Variants in BCL2L1 observed in about 807,000 individuals in gnomAD.
BCL2L1 encodes bcl-2-like protein 1.
Under a neutral mutation model 18.7 loss-of-function variants are expected in BCL2L1, and 1 was observed. The observed-to-expected ratio is 0.05, with a 90% CI of 0.02 to 0.25. BCL2L1 has a LOEUF of 0.25. BCL2L1 is among the 10% of genes least tolerant of loss of function. The pLI is 1.00. For synonymous variants in BCL2L1, 103 were observed against 122.7 expected (o/e 0.84, Z 1.06); for missense variants, 207 against 304.9 (o/e 0.68, Z 2.39).
At chr20:31,687,433 AAGGAGGATAACGC>A (rs2060977560) in intron 2 of BCL2L1, among the ~76,000 whole-genome samples, 1 of 151,654 alleles carries the variant, frequency 6.6e-6, no homozygotes, top group African/African-American at 2.4e-5. Flanking sequence ...CTCCCAAAGG[AAGGAGGATAACGC>A]AGGAGGATAA....
chr20:31,672,311 A>G (rs1188761646), intron 2 of BCL2L1, among the ~76,000 whole-genome samples: 1 of 152,016 alleles, frequency 6.6e-6, no homozygotes, highest in African/African-American at 2.4e-5. Context: ...CCAAAAATAC[A>G]AAATTAGCTG....
intron 2 of BCL2L1, among the ~76,000 whole-genome samples, chr20:31,711,619 A>T (rs890515371): frequency 1.3e-5 from 2 of 152,210 alleles, no homozygotes; most frequent in Admixed American, 6.5e-5. Flanking sequence ...AAAAGAAATG[A>T]AACTCCAAGG....
At chr20:31,677,591 A>C (rs1017017085) in intron 2 of BCL2L1, among the ~76,000 whole-genome samples, 2 of 152,190 alleles carry the variant, frequency 1.3e-5, no homozygotes, top group Non-Finnish European at 2.9e-5. Flanking sequence ...TGTCTGGTTT[A>C]TTGTTCTTAC....
intron 2 of BCL2L1, among the ~76,000 whole-genome samples, chr20:31,696,060 G>A (rs1333750603): frequency 6.6e-6 from 1 of 152,122 alleles, no homozygotes; most frequent in East Asian, 1.9e-4. Context: ...AATTAAAGGC[G>A]AGAGCCACCA....
chr20:31,669,638 C>T (rs756026146), intron 2 of BCL2L1, among the ~76,000 whole-genome samples: 1 of 151,770 alleles, frequency 6.6e-6, no homozygotes, highest in African/African-American at 2.4e-5. Context: ...TGGGGTTTCA[C>T]CATGTTAACC....
Position 31,668,670 on chromosome 20 carries a change from T to C in BCL2L1, c.565-2584A>G, listed in dbSNP as rs568560614. 4.0e-5 allele frequency among the ~76,000 whole-genome samples: 6 copies of C among 148,572 alleles called. No homozygotes were observed. In the South Asian group the frequency reaches 1.3e-3, roughly 32 times the overall value. On this transcript the variant is annotated intron_variant, in intron 2 of 2. Coordinates refer to ENST00000307677, the MANE Select transcript of BCL2L1 (RefSeq NM_138578.3). ...CCCAGGCTGGAGTACAATGGCGCGA[T>C]CTCAGCTCACTGCAACCTCCGCCTC...
At chr20:31,692,026 C>G (rs2061083718) in intron 2 of BCL2L1, among the ~76,000 whole-genome samples, 1 of 152,224 alleles carries the variant, frequency 6.6e-6, no homozygotes. Flanking sequence ...TGTGTAAACC[C>G]TACAACAATG....
chr20:31,709,635 C>T (rs2061421620), intron 2 of BCL2L1, among the ~76,000 whole-genome samples: 1 of 151,784 alleles, frequency 6.6e-6, no homozygotes, highest in Admixed American at 6.6e-5. Context: ...AGATCGAGAC[C>T]ATCCTGGCTA....
At chr20:31,681,006 G>C (rs2060850302) in intron 2 of BCL2L1, among the ~76,000 whole-genome samples, 1 of 152,234 alleles carries the variant, frequency 6.6e-6, no homozygotes, top group Non-Finnish European at 1.5e-5. Context: ...CAAAGGCCCA[G>C]AGGCAGGAAC....
At chr20:31,713,813 C>G (rs949788956) in intron 2 of BCL2L1, among the ~76,000 whole-genome samples, 1 of 152,222 alleles carries the variant, frequency 6.6e-6, no homozygotes, top group Admixed American at 6.5e-5. Context: ...AGTTAAAAGA[C>G]TTGCCCAAGG....
At chr20:31,700,929 C>A (rs988351758) in intron 2 of BCL2L1, among the ~76,000 whole-genome samples, 17 of 152,242 alleles carry the variant, frequency 1.1e-4, no homozygotes, top group African/African-American at 4.1e-4. Flanking sequence ...CTGGACCAGC[C>A]CCTTTGGCAA....
At chr20:31,704,447 G>C (rs897722508) in intron 2 of BCL2L1, among the ~76,000 whole-genome samples, 1 of 152,200 alleles carries the variant, frequency 6.6e-6, no homozygotes, top group African/African-American at 2.4e-5. Flanking sequence ...TTGGGCAAGA[G>C]TGATTTTCTA....
At chr20:31,695,561 G>A (rs1290991585) in intron 2 of BCL2L1, among the ~76,000 whole-genome samples, 2 of 152,212 alleles carry the variant, frequency 1.3e-5, no homozygotes, top group Non-Finnish European at 2.9e-5. Context: ...CAAACTCCTG[G>A]ATTTAAGCCA....
chr20:31,700,318 C>A (rs1455473021), intron 2 of BCL2L1, among the ~76,000 whole-genome samples: 1 of 152,188 alleles, frequency 6.6e-6, no homozygotes, highest in African/African-American at 2.4e-5. Flanking sequence ...TAGTTGAAGG[C>A]TCTGGCTCCC....
intron 2 of BCL2L1, among the ~76,000 whole-genome samples, chr20:31,715,085 T>A (rs760992621): frequency 8.6e-5 from 13 of 151,962 alleles, no homozygotes; most frequent in Non-Finnish European, 1.8e-4. Flanking sequence ...CCATCCTGAC[T>A]AACATGGTGA....
chr20:31,714,272 G>A (rs1447373801), intron 2 of BCL2L1, among the ~76,000 whole-genome samples: 1 of 152,214 alleles, frequency 6.6e-6, no homozygotes, highest in Non-Finnish European at 1.5e-5. Context: ...ACTGGGGACT[G>A]GGGGTGAAGT....
intron 2 of BCL2L1, among the ~76,000 whole-genome samples, chr20:31,691,268 C>A (rs889613780): frequency 1.9e-4 from 28 of 148,726 alleles, no homozygotes; most frequent in African/African-American, 5.7e-4. Context: ...CCTTTAACAC[C>A]CTATGGAGGC....
intron 2 of BCL2L1, among the ~76,000 whole-genome samples, chr20:31,677,588 T>C (rs1364149774): frequency 6.6e-6 from 1 of 152,180 alleles, no homozygotes; most frequent in Non-Finnish European, 1.5e-5. Context: ...AAATGTCTGG[T>C]TTATTGTTCT....
At chr20:31,720,029 C>A (rs1465240748) in intron 2 of BCL2L1, 4 of 918,608 alleles carry the variant, frequency 4.4e-6, no homozygotes, top group Non-Finnish European at 5.2e-6. Context: ...CCAACAGGAA[C>A]TATTTAATCA....
Sources: allele counts gnomAD v4.1 joint callset (sites outside exome capture counted in the v4.1 genomes callset), GRCh38; gene constraint gnomAD v4.1.1; transcripts MANE v1.5; gene names NCBI Gene and HGNC (gene_info 2026-07-23, HGNC 2026-07-21).